The following ZNF444 variants were observed in gnomAD, a reference collection of about 807,000 sequenced individuals.
ZNF444 encodes endothelial zinc finger protein 2.
ZNF444 carries 8 observed loss-of-function variants against 14.4 expected under a neutral mutation model. The observed-to-expected ratio is 0.56, with a 90% CI of 0.33 to 1.00. The LOEUF (loss-of-function observed/expected upper bound fraction) is 1.00, where lower values mean the gene tolerates loss of function less well. ZNF444 is among the 50% of genes least tolerant of loss of function. ZNF444 has a pLI of 0.03. For missense variants in ZNF444, 510 were observed against 504.8 expected (o/e 1.01, Z -0.10); for synonymous variants, 258 against 235.9 (o/e 1.09, Z -0.86).
chr19:56,159,430 A>G (rs1214948892), intron 4 of ZNF444, among the ~76,000 whole-genome samples, 194 bp from the exon 5 acceptor site: 1 of 152,080 alleles, frequency 6.6e-6, no homozygotes, highest in Non-Finnish European at 1.5e-5. Context: ...TCTATTATGT[A>G]TTGGGCATTG....
chr19:56,154,630 G>A (rs1447358492), intron 3 of ZNF444: 2 of 145,558 alleles, frequency 1.4e-5, no homozygotes, highest in African/African-American at 5.1e-5. Context: ...GACAGCACAG[G>A]AAAAGAAGGT....
intron 3 of ZNF444, among the ~76,000 whole-genome samples, chr19:56,153,599 C>G (rs549102989): frequency 1.3e-5 from 2 of 152,134 alleles, no homozygotes; most frequent in Non-Finnish European, 2.9e-5. Flanking sequence ...CCAGAAAGAT[C>G]GAATGACCTG....
Position 56,147,070 on chromosome 19 carries a change from G to C in ZNF444, c.159G>C (p.Val53=). ...ALCRDWLRPE[V]HTKEQMLELL... ...GCCGGGACTGGCTGCGGCCCGAGGT[G>C]CACACCAAGGAGCAGATGTTGGAGC... Residue 53 remains valine (V), a synonymous_variant, in exon 3 of 5, where the codon GTG becomes GTC. Coordinates refer to ENST00000337080, the MANE Select transcript of ZNF444 (RefSeq NM_018337.4). This position sits in a 1 kb window ranked among gnomAD's most constrained non-coding sequence, Gnocchi z 5.9. 6.3e-7 allele frequency: 1 copy of C among 1,583,200 alleles called. No homozygotes were observed. The highest frequency in any genetic ancestry group is 1.4e-5 in the African/African-American group (1 of 72,578).
chr19:56,148,619 C>G (rs1307853091), intron 3 of ZNF444, among the ~76,000 whole-genome samples: 1 of 152,166 alleles, frequency 6.6e-6, no homozygotes, highest in Non-Finnish European at 1.5e-5. Flanking sequence ...TACAGCTCGC[C>G]CCTCCTCTGC....
chr19:56,160,315 C>T lies in ZNF444; in HGVS notation c.*114C>T. Reference sequence around the variant, plus strand: ...CCTCCTTCCCTCCCATCGTCCTCCTCCACCTGCGCCTCCCTTGTCTGAACT... The same window carrying T: ...CCTCCTTCCCTCCCATCGTCCTCCTTCACCTGCGCCTCCCTTGTCTGAACT... On this transcript the variant is annotated 3_prime_UTR_variant, in exon 5 of 5. Coordinates refer to ENST00000337080, the MANE Select transcript of ZNF444 (RefSeq NM_018337.4). The T allele has an allele frequency of 1.2e-6, 1 of 812,840 alleles. No individual in the cohort carries two copies. Among genetic ancestry groups the T allele is most frequent in the Non-Finnish European group, 1.8e-6 (1 of 565,406 alleles). 50.4% of individuals were successfully genotyped at this position (812,840 alleles called of 1,614,324 possible).
At chr19:56,150,416 G>A (rs527755600) in intron 3 of ZNF444, 14 of 346,642 alleles carry the variant, frequency 4.0e-5, no homozygotes, top group Middle Eastern at 1.0e-3. Context: ...TGCTTGCTCC[G>A]AGGCGAACCT....
chr19:56,160,199 T>C lies in ZNF444; in HGVS notation c.982T>C (p.Ter328GlnextTer85). The C allele has an allele frequency of 6.9e-7, 1 of 1,449,288 alleles. No individual in the cohort carries two copies. The highest frequency in any genetic ancestry group is 9.0e-7 in the Non-Finnish European group (1 of 1,111,316). 89.8% of individuals were successfully genotyped at this position (1,449,288 alleles called of 1,614,324 possible). A position where few individuals can be genotyped will look rare whatever the true frequency, so the allele number is the denominator to read the frequency against. ...CCCCTTCCCGCCCTGGCCCTTGGGT[T>C]AGCCGCCTCCCGGCCAGCGCCATCT... ...GGPFPPWPLG* is the reference protein window; with the variant it reads ...GGPFPPWPLGQ Residue 328 changes from the stop codon to glutamine (Q), a stop_lost, in exon 5 of 5, where the codon TAG becomes CAG. Transcript: ENST00000337080.
At chr19:56,140,306 A>G (rs994553442), upstream of ZNF444, among the ~76,000 whole-genome samples, 8 of 117,906 alleles carry the variant, frequency 6.8e-5, no homozygotes, top group African/African-American at 2.7e-4. Flanking sequence ...ATGAGCCATA[A>G]TCAGGTCTGG....
In ZNF444 at chr19:56,147,261, A is replaced by T. The variant is rs558496812; in HGVS notation, c.297+53A>T. On this transcript the variant is annotated intron_variant, in intron 3 of 4. Coordinates refer to ENST00000337080, the MANE Select transcript of ZNF444 (RefSeq NM_018337.4). The surrounding 1 kb of genome is among the most constrained non-coding windows in gnomAD (Gnocchi z 5.9). ...AAGGGAGAGGGGAAGGTGCCAGGGA[A>T]GCCACCAGGAAGCCCAGGGAGGAGC... The T allele has an allele frequency of 6.7e-5, 93 of 1,390,710 alleles. 1 individual carries two copies. The Admixed American group carries it at 1.7e-3, about 26-fold the overall frequency. The allele number at this position is 1,390,710 out of a possible 1,614,324, so 86.1% of individuals were successfully genotyped here. A position where few individuals can be genotyped will look rare whatever the true frequency, so the allele number is the denominator to read the frequency against.
intron 3 of ZNF444, chr19:56,156,554 TG>T (rs1356885365): frequency 6.6e-6 from 1 of 151,764 alleles, no homozygotes; most frequent in African/African-American, 2.4e-5. Flanking sequence ...TGGCCAGAGG[TG>T]GGGGAAGATT....
intron 1 of ZNF444, among the ~76,000 whole-genome samples, chr19:56,135,777 A>T (rs2030595752): frequency 6.6e-6 from 1 of 151,612 alleles, no homozygotes; most frequent in Admixed American, 6.6e-5. Context: ...ATTGGCTTAC[A>T]CCAATAAGGA....
In ZNF444 at chr19:56,147,124, G is replaced by C. The variant is rs201711606; in HGVS notation, c.213G>C (p.Ala71=). 5.8e-6 allele frequency: 9 copies of C among 1,564,246 alleles called. No homozygotes were observed. In the East Asian group the frequency reaches 1.9e-4, roughly 34 times the overall value. ...TGGTGCTGGAACAGTTCCTGAGCGC[G>C]CTGCCCGCCGACACGCAGGCCTGGG... The part of the protein sequence containing the change: ...ELLVLEQFLS[A]LPADTQAWVC... The change falls in exon 3 of 5, where the codon GCG becomes GCC. Residue 71 remains alanine (A), a synonymous_variant. Transcript: ENST00000337080. This position sits in a 1 kb window ranked among gnomAD's most constrained non-coding sequence, Gnocchi z 5.9.
At chr19:56,159,564 T>G (rs1156268910) in intron 4 of ZNF444, 60 bp from the exon 5 acceptor site, 1 of 1,374,784 alleles carries the variant, frequency 7.3e-7, no homozygotes, top group African/African-American at 1.5e-5. Context: ...CACCCCAGCC[T>G]GTGCTGTCCT....
intron 3 of ZNF444, among the ~76,000 whole-genome samples, chr19:56,153,794 G>A (rs1225327073): frequency 6.6e-6 from 1 of 152,194 alleles, no homozygotes; most frequent in Non-Finnish European, 1.5e-5. Context: ...GCCCCAGTCA[G>A]CCTGCGTCTC....
intron 4 of ZNF444, among the ~76,000 whole-genome samples, chr19:56,158,919 A>G (rs2032078904): frequency 6.6e-6 from 1 of 151,334 alleles, no homozygotes; most frequent in Admixed American, 6.6e-5. Flanking sequence ...TCCATCCTTC[A>G]CATGTTCCCC....
At chr19:56,157,878 A>G (rs980057621) in intron 3 of ZNF444, 4 of 152,222 alleles carry the variant, frequency 2.6e-5, no homozygotes, top group Admixed American at 1.3e-4. Flanking sequence ...AGTAGGGCGA[A>G]GAAACCACAA....
At chr19:56,149,813 C>G (rs867765010) in intron 3 of ZNF444, 1 of 152,408 alleles carries the variant, frequency 6.6e-6, no homozygotes, top group Non-Finnish European at 1.5e-5. Flanking sequence ...AGGACATGAA[C>G]TCATTCTTTT....
At chr19:56,158,275 G>T in intron 3 of ZNF444, 1 of 478,336 alleles carries the variant, frequency 2.1e-6, no homozygotes, top group Non-Finnish European at 3.7e-6. Flanking sequence ...TCATCTGAAG[G>T]TTGGTGGCTT....
intron 2 of ZNF444, 120 bp from the exon 3 acceptor site, chr19:56,146,768 AAG>A: frequency 3.7e-6 from 3 of 808,492 alleles, no homozygotes; most frequent in Non-Finnish European, 5.0e-6. Flanking sequence ...ACCTGGGGGA[AAG>A]AGCGAAACTC....
Sources: allele counts gnomAD v4.1 joint callset (sites outside exome capture counted in the v4.1 genomes callset), GRCh38; gene constraint gnomAD v4.1.1; non-coding constraint Gnocchi (gnomAD v3.1); transcripts MANE v1.5; gene names NCBI Gene and HGNC (gene_info 2026-07-23, HGNC 2026-07-21).